The following OTX2 variants were observed in gnomAD, a reference collection of about 807,000 sequenced individuals.
OTX2 encodes the protein orthodenticle homeobox 2, also known as homeobox protein OTX2.
In OTX2, 4 loss-of-function variants were observed where a neutral mutation model predicts 29.0. The ratio of observed to expected loss-of-function variants is 0.14; its 90% CI spans 0.07 to 0.32. OTX2 has a LOEUF of 0.32. OTX2 is among the 10% of genes least tolerant of loss of function. The pLI is 1.00. For synonymous variants in OTX2, 134 were observed against 141.0 expected (o/e 0.95, Z 0.35); for missense variants, 298 against 365.9 (o/e 0.81, Z 1.51).
Position 56,801,731 on chromosome 14 carries a change from G to T in OTX2, c.*4C>A. 2 of 1,613,644 alleles carry T rather than the reference G, an allele frequency of 1.2e-6. No individual in the cohort carries two copies. The highest frequency in any genetic ancestry group is 1.7e-6 in the Non-Finnish European group (2 of 1,179,950). ...TCACCCACAAAAAGAGGTTCTACAG[G>T]TCTTCACAAAACCTGGAATTTCCAC... On this transcript the variant is annotated 3_prime_UTR_variant, in exon 5 of 5. Coordinates refer to ENST00000672264, the MANE Select transcript of OTX2 (RefSeq NM_021728.4). This position sits in a 1 kb window ranked among gnomAD's most constrained non-coding sequence, Gnocchi z 4.2.
At chr14:56,803,528 A>G (rs1408398788) in intron 4 of OTX2, among the ~76,000 whole-genome samples, 1 of 152,188 alleles carries the variant, frequency 6.6e-6, no homozygotes, top group Non-Finnish European at 1.5e-5. Flanking sequence ...CTTTGCAGAG[A>G]ATTCTGTACA....
At position 56,805,432 on chromosome 14, in the gene OTX2, G is replaced by A. The variant is rs766756721; in HGVS notation, c.25C>T (p.Pro9Ser). The A allele has an allele frequency of 6.2e-7, 1 of 1,613,872 alleles. No individual in the cohort carries two copies. Among genetic ancestry groups the A allele is most frequent in the African/African-American group, 1.3e-5 (1 of 75,046 alleles). ...AGACTCAGCCCATTGACTGCGTAAG[G>A]CGGTTGCTTAAGATAAGACATCATG... MMSYLKQP[P>S]YAVNGLSLTT... is the part of the protein sequence containing the mutation. Residue 9 changes from proline (P) to serine (S), a missense_variant, in exon 3 of 5, where the codon CCT (proline) becomes TCT (serine). By Grantham distance (74) the Pro-to-Ser change is moderately conservative. Around this residue, in one of 3 missense-constraint regions of OTX2, gnomAD observed 50 missense variants for 57.6 expected, o/e 0.87. Coordinates refer to ENST00000672264, the MANE Select transcript of OTX2 (RefSeq NM_021728.4).
chr14:56,809,018 A>G (rs1026512069), intron 2 of OTX2, among the ~76,000 whole-genome samples: 1 of 152,280 alleles, frequency 6.6e-6, no homozygotes, highest in African/African-American at 2.4e-5. Flanking sequence ...GATCCATGGC[A>G]CAGGCTGGGC....
rs1034858861 is a variant in OTX2 at position 56,804,539 on chromosome 14, C to T, written c.98-176G>A. On this transcript the variant is annotated intron_variant, in intron 3 of 4. Transcript: ENST00000672264. The surrounding 1 kb of genome is among the most constrained non-coding windows in gnomAD (Gnocchi z 4.1). The stretch of plus-strand genomic sequence containing the variant: ...CCCCGGGGACCCAGGACACACGCTG[C>T]TTCTTTCCCTACTCTTCTTGGTGTT... 6.6e-6 allele frequency among the ~76,000 whole-genome samples: 1 copy of T among 152,154 alleles called. No homozygotes were observed. The highest frequency in any genetic ancestry group is 2.4e-5 in the African/African-American group (1 of 41,438).
intron 3 of OTX2, 130 bp downstream of exon 3, chr14:56,805,230 G>A: frequency 1.5e-6 from 1 of 684,776 alleles, no homozygotes; most frequent in Non-Finnish European, 2.6e-6. Flanking sequence ...AAACCTAGAG[G>A]AGACCAAGCC....
intron 4 of OTX2, among the ~76,000 whole-genome samples, chr14:56,803,467 A>C (rs755971276): frequency 1.3e-5 from 2 of 152,208 alleles, no homozygotes; most frequent in Non-Finnish European, 2.9e-5. Context: ...TCATAAACAT[A>C]TTCTAGCCGA....
Position 56,801,971 on chromosome 14 carries a change from G to A in OTX2, c.658C>T (p.Leu220Phe). The A allele has an allele frequency of 3.7e-6, 6 of 1,614,176 alleles. No individual in the cohort carries two copies. Among genetic ancestry groups the A allele is most frequent in the Non-Finnish European group, 5.1e-6 (6 of 1,180,030 alleles). Residue 220 changes from leucine to phenylalanine, a missense_variant, in exon 5 of 5, where the codon CTT becomes TTT. Transcript: ENST00000672264. The surrounding 1 kb of genome is among the most constrained non-coding windows in gnomAD (Gnocchi z 4.2). ...GSYLTPMHHQ[L>F]PGPGATLSPM... ...CTGAGTGTGGCCCCTGGTCCGGGAA[G>A]CTGGTGATGCATAGGGGTCAAATAT... is the stretch of plus-strand genomic sequence containing the variant.
intron 2 of OTX2, among the ~76,000 whole-genome samples, chr14:56,805,876 C>T (rs190712845): frequency 1.9e-3 from 283 of 150,622 alleles, no homozygotes; most frequent in Non-Finnish European, 3.1e-3. Context: ...AACAAAAACC[C>T]GTGCCTTCAA....
At chr14:56,809,867 A>C (rs1392882812) in intron 2 of OTX2, among the ~76,000 whole-genome samples, 1 of 152,164 alleles carries the variant, frequency 6.6e-6, no homozygotes, top group Non-Finnish European at 1.5e-5. Flanking sequence ...AAAACCTTCC[A>C]AAACACCCCA....
intron 4 of OTX2, among the ~76,000 whole-genome samples, chr14:56,803,292 AAGTG>A (rs1197421211): frequency 1.3e-5 from 2 of 152,168 alleles, no homozygotes; most frequent in Admixed American, 1.3e-4. Context: ...ACTGTGGTAA[AAGTG>A]AGGCCACCAA....
Position 56,802,244 on chromosome 14 carries a change from C to G in OTX2, c.385G>C (p.Val129Leu), listed in dbSNP as rs1294096975. ...CCACTTGTTCCACTCTCTGAACTCACTTCCCGAGCTGGAGATGTCTTCTTT... is the reference window on the plus strand; with the variant it reads ...CCACTTGTTCCACTCTCTGAACTCAGTTCCCGAGCTGGAGATGTCTTCTTT... The part of the protein sequence containing the change: ...AKKKTSPARE[V>L]SSESGTSGQF... Residue 129 changes from valine to leucine, a missense_variant, in exon 5 of 5, where the codon GTG (valine) becomes CTG (leucine). Val to Leu is a conservative substitution (Grantham distance 32). This residue lies in a region of OTX2 where 219 missense variants were observed against 223.5 expected (regional missense o/e 0.98). Transcript: ENST00000672264. This position sits in a 1 kb window ranked among gnomAD's most constrained non-coding sequence, Gnocchi z 4.4. 4 of 1,614,202 alleles carry G rather than the reference C, an allele frequency of 2.5e-6. No homozygotes were observed. In the Admixed American group the frequency reaches 6.7e-5, roughly 27 times the overall value.
chr14:56,805,419 T>C lies in OTX2; in HGVS notation c.38A>G (p.Asn13Ser), dbSNP rs776356711. 54 of 1,613,934 alleles carry C rather than the reference T, an allele frequency of 3.3e-5. No homozygotes were observed. Among genetic ancestry groups the C allele is most frequent in the East Asian group, 4.5e-5 (2 of 44,874 alleles). ...SYLKQPPYAV[N>S]GLSLTTSGMD... ...ACCCGAAGTGGTCAGACTCAGCCCATTGACTGCGTAAGGCGGTTGCTTAAG... is the reference window on the plus strand; with the variant it reads ...ACCCGAAGTGGTCAGACTCAGCCCACTGACTGCGTAAGGCGGTTGCTTAAG... Residue 13 changes from asparagine (N) to serine (S), a missense_variant, in exon 3 of 5, where the codon AAT becomes AGT. Coordinates refer to ENST00000672264, the MANE Select transcript of OTX2 (RefSeq NM_021728.4).
In OTX2 at chr14:56,804,063, T is replaced by C; in HGVS notation, c.273+125A>G. Reference sequence around the variant, plus strand: ...AGAAGGAGAATAGTTTCCTGGCCCCTTAGTGAGTGAAGGAGAATTTCAAGC... The same window carrying C: ...AGAAGGAGAATAGTTTCCTGGCCCCCTAGTGAGTGAAGGAGAATTTCAAGC... On this transcript the variant is annotated intron_variant, in intron 4 of 4. Coordinates refer to ENST00000672264, the MANE Select transcript of OTX2 (RefSeq NM_021728.4). The surrounding 1 kb of genome is among the most constrained non-coding windows in gnomAD (Gnocchi z 4.1). 1 of 1,140,808 alleles carries C rather than the reference T, an allele frequency of 8.8e-7. No homozygotes were observed. Among genetic ancestry groups the C allele is most frequent in the Non-Finnish European group, 1.3e-6 (1 of 765,802 alleles). 70.7% of individuals were successfully genotyped at this position (1,140,808 alleles called of 1,614,324 possible). A position where few individuals can be genotyped will look rare whatever the true frequency, so the allele number is the denominator to read the frequency against.
chr14:56,805,496 GGGTACCCAGCTGGAA>G lies in OTX2; in HGVS notation c.-55_-41del. 7.1e-7 allele frequency: 1 copy of G among 1,402,412 alleles called. No homozygotes were observed. The highest frequency in any genetic ancestry group is 1.2e-5 in the South Asian group (1 of 85,688). The allele number at this position is 1,402,412 out of a possible 1,614,324, so 86.9% of individuals were successfully genotyped here. A position where few individuals can be genotyped will look rare whatever the true frequency, so the allele number is the denominator to read the frequency against. ...GAGGTGCAAAGTCGGCCCAAATCGG[GGGTACCCAGCTGGAA>G]GATCTTGATGCGCCCGGGGTGGACA... On this transcript the variant is annotated 5_prime_UTR_variant, in exon 3 of 5. Transcript: ENST00000672264.
intron 2 of OTX2, among the ~76,000 whole-genome samples, chr14:56,808,584 G>T (rs1892168902): frequency 1.3e-5 from 2 of 152,296 alleles, no homozygotes; most frequent in South Asian, 4.1e-4. Flanking sequence ...GCTGAGGTCT[G>T]GGTGTCTACC....
rs1891936604 is a variant in OTX2 at position 56,802,697 on chromosome 14, A to G, written c.274-342T>C. On this transcript the variant is annotated intron_variant, in intron 4 of 4. Transcript: ENST00000672264. This position sits in a 1 kb window ranked among gnomAD's most constrained non-coding sequence, Gnocchi z 4.4. ...CATAGACCCAGCTATATTTTGGAAC[A>G]CTCTCACAGAGGAATAGAATGTATC... Among the ~76,000 whole-genome samples the G allele has an allele frequency of 6.6e-6, 1 of 152,142 alleles. No homozygotes were observed. Among genetic ancestry groups the G allele is most frequent in the Admixed American group, 6.5e-5 (1 of 15,282 alleles).
At position 56,801,006 on chromosome 14, in the gene OTX2, C is replaced by T. The variant is rs1472585406; in HGVS notation, c.*729G>A. On this transcript the variant is annotated 3_prime_UTR_variant, in exon 5 of 5. Transcript: ENST00000672264. The surrounding 1 kb of genome is among the most constrained non-coding windows in gnomAD (Gnocchi z 4.2). ...CCAGCCAAAGGTAATCTTTTTAGAT[C>T]AGTACTCAGTTGCTCTGAATTTTGC... is the stretch of plus-strand genomic sequence containing the variant. 1 of 152,566 alleles carries T rather than the reference C, an allele frequency of 6.6e-6. No homozygotes were observed. Among genetic ancestry groups the T allele is most frequent in the Non-Finnish European group, 1.5e-5 (1 of 68,188 alleles). The allele number at this position is 152,566 out of a possible 1,614,324, so 9.5% of individuals were successfully genotyped here. A position where few individuals can be genotyped will look rare whatever the true frequency, so the allele number is the denominator to read the frequency against.
chr14:56,805,861 C>T (rs1477956777), intron 2 of OTX2, among the ~76,000 whole-genome samples: 1 of 151,112 alleles, frequency 6.6e-6, no homozygotes, highest in East Asian at 1.9e-4. Context: ...TCTGCCTTCC[C>T]CAAGAACAAA....
chr14:56,806,805 C>T (rs748233847), intron 2 of OTX2: 2 of 152,190 alleles, frequency 1.3e-5, no homozygotes, highest in Non-Finnish European at 2.9e-5. Flanking sequence ...CTCCCCGCCT[C>T]CACCCCAGCA....
Sources: gnomAD v4.1 joint callset for allele counts (sites outside exome capture counted in the v4.1 genomes callset) on GRCh38, gnomAD v4.1.1 for gene constraint, gnomAD v4.1.1 regional missense constraint, Gnocchi (gnomAD v3.1) non-coding constraint, MANE v1.5 for transcripts, NCBI Gene and HGNC (gene_info 2026-07-23, HGNC 2026-07-21) for gene names.